The following ADGRG7 variants were observed in gnomAD, a reference collection of about 807,000 sequenced individuals.
ADGRG7 encodes G-protein coupled receptor 128.
ADGRG7 carries 82 observed loss-of-function variants against 88.6 expected under a neutral mutation model. The observed-to-expected ratio is 0.93, with a 90% CI of 0.77 to 1.11. The LOEUF (loss-of-function observed/expected upper bound fraction) is 1.11, where lower values mean the gene tolerates loss of function less well. Ranked by LOEUF, ADGRG7 falls within the 50% of genes most tolerant of loss-of-function variation. ADGRG7 has a pLI of 0.00. For synonymous variants in ADGRG7, 381 were observed against 345.2 expected (o/e 1.10, Z -1.15); for missense variants, 945 against 953.4 (o/e 0.99, Z 0.12).
intron 11 of ADGRG7, among the ~76,000 whole-genome samples, chr3:100,653,809 C>T (rs900235): frequency 0.51 from 77,479 of 150,974 alleles, 21,780 homozygotes; most frequent in South Asian, 0.76. Flanking sequence ...TTTTTTTCAG[C>T]GAGGTGGCTG....
chr3:100,692,548 T>C (rs1169019683), intron 15 of ADGRG7, among the ~76,000 whole-genome samples: 1 of 152,160 alleles, frequency 6.6e-6, no homozygotes, highest in Non-Finnish European at 1.5e-5. Flanking sequence ...AAACTGTTAA[T>C]GGTAAAATGA....
chr3:100,683,090 A>G (rs1030358249), intron 15 of ADGRG7, among the ~76,000 whole-genome samples: 2 of 152,178 alleles, frequency 1.3e-5, no homozygotes, highest in South Asian at 4.1e-4. Flanking sequence ...TAAGGAGAGG[A>G]GCTACCCACT....
chr3:100,670,166 C>A (rs1026838949), intron 15 of ADGRG7, among the ~76,000 whole-genome samples: 6 of 152,110 alleles, frequency 3.9e-5, no homozygotes, highest in Non-Finnish European at 7.3e-5. Flanking sequence ...CCGTCACTAC[C>A]ATTCCCAGCC....
rs1194832719 is a variant in ADGRG7, at chr3:100,655,141, T to C, written c.1686T>C (p.Leu562=). The C allele has an allele frequency of 6.2e-7, 1 of 1,612,812 alleles. No individual in the cohort carries two copies. The highest frequency in any genetic ancestry group is 8.5e-7 in the Non-Finnish European group (1 of 1,179,048). ...TTCTAATAAGGACCATGAAGCCTCTTCCTCGGCATTTCATTCTTTTCATCT... is the reference window on the plus strand; with the variant it reads ...TTCTAATAAGGACCATGAAGCCTCTCCCTCGGCATTTCATTCTTTTCATCT... ...YYLLIRTMKP[L]PRHFILFISL... is the part of the protein sequence containing the mutation. Residue 562 remains leucine (L), a synonymous_variant, in exon 12 of 16, where the codon CTT becomes CTC. Coordinates refer to ENST00000273352, the MANE Select transcript of ADGRG7 (RefSeq NM_032787.3).
At chr3:100,626,240 GGTGTAT>G (rs1287193154) in intron 1 of ADGRG7, among the ~76,000 whole-genome samples, 1 of 151,966 alleles carries the variant, frequency 6.6e-6, no homozygotes, top group African/African-American at 2.4e-5. Context: ...GTCTTGTGAG[GGTGTAT>G]GTGTCCAGGA....
Position 100,649,768 on chromosome 3 carries a change from C to T in ADGRG7, c.1340C>T (p.Thr447Ile), listed in dbSNP as rs745306733. 1 of 1,609,706 alleles carries T rather than the reference C, an allele frequency of 6.2e-7. No individual in the cohort carries two copies. Among genetic ancestry groups the T allele is most frequent in the Non-Finnish European group, 8.5e-7 (1 of 1,176,482 alleles). ...LSNVGCALSV[T>I]GLALTVIFQI... Reference sequence around the variant, plus strand: ...AACGTTGGATGTGCACTGTCTGTTACTGGTCTGGCTCTCACAGTTATATTT... The same window carrying T: ...AACGTTGGATGTGCACTGTCTGTTATTGGTCTGGCTCTCACAGTTATATTT... Residue 447 changes from threonine to isoleucine, a missense_variant, in exon 11 of 16, where the codon ACT (threonine) becomes ATT (isoleucine). Physicochemically the swap from Thr to Ile is moderately conservative, Grantham distance 89. Coordinates refer to ENST00000273352, the MANE Select transcript of ADGRG7 (RefSeq NM_032787.3).
At chr3:100,646,163 T>C in intron 9 of ADGRG7, 55 bp downstream of exon 9, 2 of 1,217,368 alleles carry the variant, frequency 1.6e-6, no homozygotes, top group Non-Finnish European at 2.2e-6. Context: ...TTCTTTCTGA[T>C]GGTGGCAGCT....
At chr3:100,627,373 A>G (rs933934090) in intron 1 of ADGRG7, among the ~76,000 whole-genome samples, 1 of 152,156 alleles carries the variant, frequency 6.6e-6, no homozygotes, top group Admixed American at 6.6e-5. Flanking sequence ...TTGATTTTCT[A>G]TTGATTGCCA....
Position 100,654,881 on chromosome 3 carries a change from A to G in ADGRG7, c.1426A>G (p.Ile476Val), listed in dbSNP as rs1323507738. 2.5e-6 allele frequency: 4 copies of G among 1,613,736 alleles called. No homozygotes were observed. Among genetic ancestry groups the G allele is most frequent in the Admixed American group, 1.7e-5 (1 of 60,004 alleles). ...SVTWVLVNLC[I>V]SMLIFNLLFV... is the part of the protein sequence containing the mutation. ...AACCTGGGTTTTGGTCAATCTGTGC[A>G]TATCAATGTTGATTTTCAACCTCCT... The change falls in exon 12 of 16, where the codon ATA becomes GTA. Residue 476 changes from isoleucine (I) to valine (V), a missense_variant. Physicochemically the swap from Ile to Val is conservative, Grantham distance 29. Transcript: ENST00000273352.
At chr3:100,621,999 A>T (rs1202775012) in intron 1 of ADGRG7, among the ~76,000 whole-genome samples, 2 of 152,178 alleles carry the variant, frequency 1.3e-5, no homozygotes, top group Admixed American at 1.3e-4. Context: ...TGCAACCTAC[A>T]TCTCTTGCAT....
chr3:100,643,658 T>C (rs188454705), intron 8 of ADGRG7, 25 bp downstream of exon 8: 6 of 1,476,194 alleles, frequency 4.1e-6, no homozygotes. Context: ...TTGTGACATT[T>C]AAAAAAATGG....
chr3:100,691,568 T>A (rs539214492), intron 15 of ADGRG7, among the ~76,000 whole-genome samples: 1 of 152,068 alleles, frequency 6.6e-6, no homozygotes, highest in East Asian at 1.9e-4. Flanking sequence ...CAATTTTAGA[T>A]CCATAAGATG....
At chr3:100,612,884 G>A (rs1330215545) in intron 1 of ADGRG7, among the ~76,000 whole-genome samples, 1 of 152,054 alleles carries the variant, frequency 6.6e-6, no homozygotes, top group African/African-American at 2.4e-5. Flanking sequence ...GATAATTTTT[G>A]TTGATGTTGT....
intron 6 of ADGRG7, among the ~76,000 whole-genome samples, chr3:100,638,291 A>T (rs1707579902): frequency 6.6e-6 from 1 of 152,144 alleles, no homozygotes; most frequent in African/African-American, 2.4e-5. Flanking sequence ...TTATTAAGTG[A>T]TGAGGGAAGC....
chr3:100,658,468 C>A (rs1009101482), intron 13 of ADGRG7, among the ~76,000 whole-genome samples: 4 of 152,158 alleles, frequency 2.6e-5, no homozygotes, highest in African/African-American at 9.7e-5. Context: ...GTCTAGGGTA[C>A]AAGCAATCAC....
At chr3:100,619,192 A>G (rs1312365310) in intron 1 of ADGRG7, among the ~76,000 whole-genome samples, 1 of 152,184 alleles carries the variant, frequency 6.6e-6, no homozygotes, top group Non-Finnish European at 1.5e-5. Flanking sequence ...AAGAACAGAA[A>G]TCATAACAAA....
In ADGRG7 at chr3:100,609,886, G is replaced by A. The variant is rs1368908693; in HGVS notation, c.30G>A (p.Arg10=). The A allele has an allele frequency of 3.1e-6, 5 of 1,613,898 alleles. No individual in the cohort carries two copies. In the African/African-American group the frequency reaches 6.7e-5, roughly 22 times the overall value. The part of the protein sequence containing the change: MASCRAWNL[R]VLVAVVCGLL... ...CTTCCTGCCGTGCCTGGAACCTTAG[G>A]GTGCTGGTGGCTGTCGTGTGTGGAC... is the stretch of plus-strand genomic sequence containing the variant. Residue 10 remains arginine, a synonymous_variant, in exon 1 of 16, where the codon AGG becomes AGA. Transcript: ENST00000273352.
At chr3:100,634,290 C>T (rs774901938) in intron 4 of ADGRG7, among the ~76,000 whole-genome samples, 32 of 152,142 alleles carry the variant, frequency 2.1e-4, no homozygotes, top group Non-Finnish European at 2.9e-4. Flanking sequence ...CACATTTAAT[C>T]CTTATAAAAC....
chr3:100,621,764 G>A (rs762563074), intron 1 of ADGRG7, among the ~76,000 whole-genome samples: 2 of 152,214 alleles, frequency 1.3e-5, no homozygotes, highest in Admixed American at 1.3e-4. Context: ...CAGATTTTCA[G>A]TGTATAAAAC....
Sources: allele counts gnomAD v4.1 joint callset (sites outside exome capture counted in the v4.1 genomes callset), GRCh38; gene constraint gnomAD v4.1.1; transcripts MANE v1.5; gene names NCBI Gene and HGNC (gene_info 2026-07-23, HGNC 2026-07-21).